The following LTBR variants were observed in gnomAD, a reference collection of about 807,000 sequenced individuals.
LTBR encodes the protein lymphotoxin beta receptor.
In LTBR, 15 loss-of-function variants were observed where a neutral mutation model predicts 45.4. The observed-to-expected ratio is 0.33, with a 90% CI of 0.22 to 0.51. The LOEUF (loss-of-function observed/expected upper bound fraction) is 0.51, where lower values mean the gene tolerates loss of function less well. LTBR is among the 20% of genes least tolerant of loss of function. LTBR has a pLI of 0.97. For missense variants in LTBR, 450 were observed against 565.5 expected (o/e 0.80, Z 2.07); for synonymous variants, 228 against 231.0 (o/e 0.99, Z 0.12).
chr12:6,378,410 C>G (rs1300278573), intron 1 of LTBR, among the ~76,000 whole-genome samples: 1 of 152,198 alleles, frequency 6.6e-6, no homozygotes, highest in Non-Finnish European at 1.5e-5. Flanking sequence ...GCCTCAGCCT[C>G]CCAAAGTGCT....
rs1592101534 is a variant in LTBR at position 6,388,793 on chromosome 12, A to G, written c.776-7A>G. The G allele has an allele frequency of 6.2e-7, 1 of 1,614,106 alleles. No homozygotes were observed. Among genetic ancestry groups the G allele is most frequent in the African/African-American group, 1.3e-5 (1 of 75,038 alleles). On this transcript the variant is annotated splice_polypyrimidine_tract_variant and splice_region_variant and intron_variant, in intron 7 of 9. Coordinates refer to ENST00000228918, the MANE Select transcript of LTBR (RefSeq NM_002342.3). The surrounding 1 kb of genome is among the most constrained non-coding windows in gnomAD (Gnocchi z 4.3). ...GGAGCCTACACCCATTTCATTCTCC[A>G]TTGCAGGATCGCTGCTCAAGAGGCG...
At chr12:6,381,523 A>C (rs1433416191), upstream of LTBR, among the ~76,000 whole-genome samples, 2 of 152,254 alleles carry the variant, frequency 1.3e-5, no homozygotes, top group African/African-American at 4.8e-5. Context: ...CTTAGGGTGT[A>C]GAGAGTCCAT....
intron 1 of LTBR, among the ~76,000 whole-genome samples, chr12:6,378,533 G>A (rs1948943343): frequency 6.7e-6 from 1 of 150,048 alleles, no homozygotes; most frequent in Non-Finnish European, 1.5e-5. Flanking sequence ...CTGAGAAAAT[G>A]AAAGGGCAAG....
At chr12:6,385,615 G>A in intron 4 of LTBR, 1 of 565,696 alleles carries the variant, frequency 1.8e-6, no homozygotes, top group Non-Finnish European at 3.1e-6. Context: ...GGGCAAAATG[G>A]TAGGCAGTAG....
In LTBR at chr12:6,386,112, G is replaced by C; in HGVS notation, c.519G>C (p.Gly173=). 1 of 1,613,924 alleles carries C rather than the reference G, an allele frequency of 6.2e-7. No homozygotes were observed. Among genetic ancestry groups the C allele is most frequent in the Non-Finnish European group, 8.5e-7 (1 of 1,179,922 alleles). Reference sequence around the variant, plus strand: ...ACCACTGCGTCCCCTGCAAGGCCGGGCACTTCCAGAATACCTCCTCCCCCA... The same window carrying C: ...ACCACTGCGTCCCCTGCAAGGCCGGCCACTTCCAGAATACCTCCTCCCCCA... ...GNNHCVPCKA[G]HFQNTSSPSA... is the part of the protein sequence containing the mutation. The change falls in exon 5 of 10, where the codon GGG becomes GGC. Residue 173 remains glycine (G), a synonymous_variant. Transcript: ENST00000228918. This position sits in a 1 kb window ranked among gnomAD's most constrained non-coding sequence, Gnocchi z 4.1.
In LTBR at chr12:6,384,193, C is replaced by G. The variant is rs1249315215; in HGVS notation, c.-166C>G. On this transcript the variant is annotated 5_prime_UTR_variant, in exon 1 of 10. Transcript: ENST00000228918. ...ACTTCCTGAGCTCCGCCATGGGAGC[C>G]CTGGAGGCCCGGCCTGGCCGCTCCC... The G allele has an allele frequency of 7.6e-7, 1 of 1,309,460 alleles. No homozygotes were observed. The highest frequency in any genetic ancestry group is 9.7e-7 in the Non-Finnish European group (1 of 1,033,682). 81.1% of individuals were successfully genotyped at this position (1,309,460 alleles called of 1,614,324 possible).
At chr12:6,375,540 C>G in exon 1 of LTBR, 1 of 1,534,878 alleles carries the variant, frequency 6.5e-7, no homozygotes, top group Non-Finnish European at 8.7e-7. Flanking sequence ...GGAGCCCGCC[C>G]GCTGGCCGGC....
upstream of LTBR, chr12:6,383,991 G>A: frequency 8.9e-7 from 1 of 1,122,782 alleles, no homozygotes; most frequent in Non-Finnish European, 1.1e-6. Flanking sequence ...TCGGGCTTCC[G>A]AAGAAGGGAG....
chr12:6,383,151 C>A (rs1293234858), upstream of LTBR, among the ~76,000 whole-genome samples: 1 of 152,150 alleles, frequency 6.6e-6, no homozygotes, highest in African/African-American at 2.4e-5. Context: ...GACTGTGCAA[C>A]CTAGGGCAGA....
exon 1 of LTBR, chr12:6,375,500 C>A (rs13306617): frequency 3.3e-6 from 5 of 1,535,470 alleles, no homozygotes; most frequent in Admixed American, 3.9e-5. Context: ...TCTCCTCCCC[C>A]TCACCTGACA....
rs1949051149 is a variant in LTBR at position 6,386,492 on chromosome 12, C to G, written c.667+48C>G. 1.4e-6 allele frequency: 2 copies of G among 1,387,058 alleles called. No individual in the cohort carries two copies. The highest frequency in any genetic ancestry group is 2.3e-5 in the East Asian group (1 of 43,456). The allele number at this position is 1,387,058 out of a possible 1,614,324, so 85.9% of individuals were successfully genotyped here. A position where few individuals can be genotyped will look rare whatever the true frequency, so the allele number is the denominator to read the frequency against. ...CACGGGGGGGGCGCCTCTGAAAATGCCTTAATGCTCCACATCTTAAAAAAA... is the reference window on the plus strand; with the variant it reads ...CACGGGGGGGGCGCCTCTGAAAATGGCTTAATGCTCCACATCTTAAAAAAA... On this transcript the variant is annotated intron_variant, in intron 6 of 9. Transcript: ENST00000228918. The surrounding 1 kb of genome is among the most constrained non-coding windows in gnomAD (Gnocchi z 4.1).
intron 8 of LTBR, chr12:6,389,176 C>T (rs1360606463): frequency 1.9e-5 from 4 of 209,798 alleles, no homozygotes; most frequent in Non-Finnish European, 3.9e-5. Flanking sequence ...TCTCTGAGAA[C>T]CTGATATTTG....
chr12:6,391,296 G>A lies in LTBR; in HGVS notation c.*359G>A, dbSNP rs1004235164. On this transcript the variant is annotated 3_prime_UTR_variant, in exon 10 of 10. Coordinates refer to ENST00000228918, the MANE Select transcript of LTBR (RefSeq NM_002342.3). The stretch of plus-strand genomic sequence containing the variant: ...ACACGGTCACCTGCAAGGACGTCAC[G>A]GGCCCCTCTAAAGGATTCGTGGTGC... 5.2e-6 allele frequency: 1 copy of A among 192,562 alleles called. No homozygotes were observed. The highest frequency in any genetic ancestry group is 1.1e-5 in the Non-Finnish European group (1 of 95,106). 11.9% of individuals were successfully genotyped at this position (192,562 alleles called of 1,614,324 possible).
At position 6,386,401 on chromosome 12, in the gene LTBR, A is replaced by C; in HGVS notation, c.624A>C (p.Thr208=). The C allele has an allele frequency of 6.2e-7, 1 of 1,613,552 alleles. No individual in the cohort carries two copies. Among genetic ancestry groups the C allele is most frequent in the Non-Finnish European group, 8.5e-7 (1 of 1,179,832 alleles). ...EAAPGTAQSD[T]TCKNPLEPLP... ...CTCCAGGCACTGCCCAGTCCGACAC[A>C]ACCTGCAAAAATCCATTAGAGCCAC... The change falls in exon 6 of 10, where the codon ACA becomes ACC. Residue 208 remains threonine (T), a synonymous_variant. Transcript: ENST00000228918. This position sits in a 1 kb window ranked among gnomAD's most constrained non-coding sequence, Gnocchi z 4.1.
In LTBR at chr12:6,390,232, C is replaced by G. The variant is rs1374686017; in HGVS notation, c.922C>G (p.Leu308Val). 1 of 1,614,036 alleles carries G rather than the reference C, an allele frequency of 6.2e-7. No individual in the cohort carries two copies. ...AGATGTTTCCCCAGTATCCACTGGGCTCCCCGCAGCCCCAGTTTTGGAGGC... is the reference window on the plus strand; with the variant it reads ...AGATGTTTCCCCAGTATCCACTGGGGTCCCCGCAGCCCCAGTTTTGGAGGC... ...SGDVSPVSTG[L>V]PAAPVLEAGV... is the part of the protein sequence containing the mutation. The change falls in exon 9 of 10, where the codon CTC becomes GTC. Residue 308 changes from leucine to valine, a missense_variant. By Grantham distance (32) the Leu-to-Val change is conservative (BLOSUM62 1). This residue lies in a region of LTBR where 367 missense variants were observed against 435.4 expected (regional missense o/e 0.84). Coordinates refer to ENST00000228918, the MANE Select transcript of LTBR (RefSeq NM_002342.3).
At chr12:6,389,277 G>C (rs1187733610) in intron 8 of LTBR, 1 of 162,754 alleles carries the variant, frequency 6.1e-6, no homozygotes, top group Non-Finnish European at 1.3e-5. Flanking sequence ...CAAAGACCCT[G>C]AGGCAGGGGG....
In LTBR at chr12:6,386,583, T is replaced by C. The variant is rs1056938107; in HGVS notation, c.667+139T>C. ...GAAGAAAGTTCCTTACAGAAAAAAT[T>C]GGAGTATCTCTAGGCTAGTTTACAC... On this transcript the variant is annotated intron_variant, in intron 6 of 9. Transcript: ENST00000228918. The surrounding 1 kb of genome is among the most constrained non-coding windows in gnomAD (Gnocchi z 4.1). 6.2e-6 allele frequency: 4 copies of C among 649,538 alleles called. No individual in the cohort carries two copies. Among genetic ancestry groups the C allele is most frequent in the Non-Finnish European group, 1.1e-5 (4 of 366,130 alleles). 40.2% of individuals were successfully genotyped at this position (649,538 alleles called of 1,614,324 possible).
chr12:6,375,840 C>G, intron 1 of LTBR: 1 of 1,336,256 alleles, frequency 7.5e-7, no homozygotes, highest in South Asian at 2.0e-5. Flanking sequence ...AAGGGGCCAG[C>G]CAGGCTGAGA....
Position 6,391,448 on chromosome 12 carries a change from T to G in LTBR, c.*511T>G, listed in dbSNP as rs1172677148. 1 of 152,124 alleles carries G rather than the reference T, an allele frequency of 6.6e-6. No individual in the cohort carries two copies. Among genetic ancestry groups the G allele is most frequent in the Non-Finnish European group, 1.5e-5 (1 of 68,142 alleles). 9.4% of individuals were successfully genotyped at this position (152,124 alleles called of 1,614,324 possible). A position where few individuals can be genotyped will look rare whatever the true frequency, so the allele number is the denominator to read the frequency against. On this transcript the variant is annotated 3_prime_UTR_variant, in exon 10 of 10. Transcript: ENST00000228918. ...CCCTCCTAGAGGAGAGGAAAGGGAGTCATTAACAACTAGGGGGTTGGGTAG... is the reference window on the plus strand; with the variant it reads ...CCCTCCTAGAGGAGAGGAAAGGGAGGCATTAACAACTAGGGGGTTGGGTAG...
Sources: allele counts gnomAD v4.1 joint callset (sites outside exome capture counted in the v4.1 genomes callset), GRCh38; gene constraint gnomAD v4.1.1; regional missense constraint gnomAD v4.1.1; non-coding constraint Gnocchi (gnomAD v3.1); transcripts MANE v1.5; gene names NCBI Gene and HGNC (gene_info 2026-07-23, HGNC 2026-07-21).